RFPL1: variants seen among roughly 807,000 people sequenced by gnomAD.
RFPL1 encodes the protein ret finger protein like 1, also known as ret finger protein-like 1.
RFPL1 carries 6 observed loss-of-function variants against 9.6 expected under a neutral mutation model. The ratio of observed to expected loss-of-function variants is 0.62; its 90% CI spans 0.34 to 1.23. RFPL1 has a LOEUF of 1.23. RFPL1 is among the 50% of genes most tolerant of loss of function. RFPL1 has a pLI of 0.03. For synonymous variants in RFPL1, 145 were observed against 149.4 expected (o/e 0.97, Z 0.22); for missense variants, 352 against 398.4 (o/e 0.88, Z 0.99).
At chr22:29,402,818 C>T in the RFPL1 span, among the ~76,000 whole-genome samples, 1 of 143,182 alleles carries the variant, frequency 7.0e-6, no homozygotes, top group Non-Finnish European at 1.5e-5. Flanking sequence ...CTGCACTTTT[C>T]TCAGGACTGG....
At chr22:29,409,797 C>T in the RFPL1 span, among the ~76,000 whole-genome samples, 3 of 152,006 alleles carry the variant, frequency 2.0e-5, no homozygotes, top group Non-Finnish European at 4.4e-5. Flanking sequence ...ATTTGATTGC[C>T]GTCATCCACC....
At chr22:29,393,933 T>C in the RFPL1 span, among the ~76,000 whole-genome samples, 3 of 152,142 alleles carry the variant, frequency 2.0e-5, no homozygotes, top group African/African-American at 7.2e-5. Flanking sequence ...CGCCTTGGCC[T>C]CCCAAAGTGC....
At chr22:29,433,138 CA>C in the RFPL1 span, 1 of 151,894 alleles carries the variant, frequency 6.6e-6, no homozygotes, top group South Asian at 2.1e-4. Context: ...TCTAAAAATA[CA>C]AAAATTAGCC....
At chr22:29,407,956 C>A in the RFPL1 span, among the ~76,000 whole-genome samples, 2 of 152,056 alleles carry the variant, frequency 1.3e-5, no homozygotes, top group African/African-American at 4.8e-5. Flanking sequence ...CTCTCATTGC[C>A]CAAGTTGAAG....
chr22:29,408,432 T>C, the RFPL1 span, among the ~76,000 whole-genome samples: 1 of 152,190 alleles, frequency 6.6e-6, no homozygotes, highest in South Asian at 2.1e-4. Context: ...ACCCAGTCCA[T>C]ATCCCCCAAG....
At chr22:29,400,824 T>C in the RFPL1 span, among the ~76,000 whole-genome samples, 1 of 152,246 alleles carries the variant, frequency 6.6e-6, no homozygotes, top group Non-Finnish European at 1.5e-5. Flanking sequence ...CATCTGTGGC[T>C]TTTCTGCCTT....
exon 1 of RFPL1, chr22:29,438,721 G>T (rs1211861814): frequency 6.4e-7 from 1 of 1,563,250 alleles, no homozygotes; most frequent in South Asian, 1.2e-5. Context: ...GGGGTGGGGG[G>T]ATGTGCTTGA....
chr22:29,421,672 T>G, the RFPL1 span, among the ~76,000 whole-genome samples: 1 of 151,216 alleles, frequency 6.6e-6, no homozygotes, highest in Non-Finnish European at 1.5e-5. Context: ...TGTATCACCC[T>G]CCTCGGTAGC....
the RFPL1 span, among the ~76,000 whole-genome samples, chr22:29,389,917 G>A: frequency 3.3e-5 from 5 of 151,784 alleles, no homozygotes; most frequent in Non-Finnish European, 5.9e-5. Context: ...TCCTGCCTGG[G>A]CCTCCCAAGT....
the RFPL1 span, among the ~76,000 whole-genome samples, chr22:29,412,271 C>T: frequency 6.6e-6 from 1 of 152,288 alleles, no homozygotes; most frequent in Non-Finnish European, 1.5e-5. Context: ...CATTTTTCAC[C>T]TCTTCTGGAA....
Position 29,439,167 on chromosome 22 carries a change from G to A in RFPL1, c.373+3G>A. The A allele has an allele frequency of 1.2e-6, 2 of 1,613,420 alleles. No individual in the cohort carries two copies. Among genetic ancestry groups the A allele is most frequent in the Middle Eastern group, 1.7e-4 (1 of 6,056 alleles). ...CCCAAGGATGCGGAAGTTCCAAGGT[G>A]AGGGATCTGTATACACTGCCCCCTT... On this transcript the variant is annotated splice_donor_region_variant and intron_variant, in intron 1 of 1. Coordinates refer to ENST00000354373, the Ensembl canonical transcript of RFPL1.
chr22:29,436,783 C>G (rs886296428), upstream of RFPL1: 1 of 152,088 alleles, frequency 6.6e-6, no homozygotes, highest in Admixed American at 6.6e-5. Flanking sequence ...TCTCAGAGTC[C>G]TCTAATCCCA....
At chr22:29,410,530 A>G in the RFPL1 span, among the ~76,000 whole-genome samples, 161 of 121,280 alleles carry the variant, frequency 1.3e-3, 1 homozygote, top group African/African-American at 4.5e-3. Context: ...GTAGATATAT[A>G]TATCTACTAT....
At chr22:29,421,139 C>T in the RFPL1 span, among the ~76,000 whole-genome samples, 1 of 152,170 alleles carries the variant, frequency 6.6e-6, no homozygotes, top group Non-Finnish European at 1.5e-5. Flanking sequence ...AAAGCCCATG[C>T]TCTCAATCCC....
intron 1 of RFPL1, chr22:29,440,221 C>T (rs1271604576): frequency 1.3e-5 from 2 of 152,244 alleles, no homozygotes; most frequent in Non-Finnish European, 2.9e-5. Flanking sequence ...CAGATTCACC[C>T]TGCCTAAGTC....
chr22:29,388,006 C>A, the RFPL1 span, among the ~76,000 whole-genome samples: 1 of 152,154 alleles, frequency 6.6e-6, no homozygotes, highest in Non-Finnish European at 1.5e-5. Context: ...GGCACGGGAC[C>A]GTTTTCTAGT....
At chr22:29,391,769 G>C in the RFPL1 span, among the ~76,000 whole-genome samples, 1 of 152,186 alleles carries the variant, frequency 6.6e-6, no homozygotes, top group Non-Finnish European at 1.5e-5. Context: ...AAAACCTCAC[G>C]GGCCCACCCC....
the RFPL1 span, among the ~76,000 whole-genome samples, chr22:29,415,256 C>A: frequency 6.6e-6 from 1 of 152,104 alleles, no homozygotes; most frequent in Non-Finnish European, 1.5e-5. Context: ...AAGTCAAAAT[C>A]AAAACCAAAA....
At chr22:29,400,542 C>G in the RFPL1 span, among the ~76,000 whole-genome samples, 3 of 152,182 alleles carry the variant, frequency 2.0e-5, no homozygotes, top group African/African-American at 7.2e-5. Flanking sequence ...GTTATTAATT[C>G]TCCCTCTCTT....
Sources: allele counts gnomAD v4.1 joint callset (sites outside exome capture counted in the v4.1 genomes callset), GRCh38; gene constraint gnomAD v4.1.1; transcripts MANE v1.5; gene names NCBI Gene and HGNC (gene_info 2026-07-23, HGNC 2026-07-21).